Variants in KATNIP observed in about 807,000 individuals in gnomAD.
KATNIP encodes katanin-interacting protein.
KATNIP carries 126 observed loss-of-function variants against 174.0 expected under a neutral mutation model. That is an observed-to-expected ratio of 0.72 (90% CI 0.63 to 0.84). KATNIP has a LOEUF of 0.84. Among genes scored for constraint, KATNIP ranks in the 40% least tolerant of loss-of-function variants. The pLI is 0.00. For synonymous variants in KATNIP, 810 were observed against 835.7 expected, an observed-to-expected ratio of 0.97 and a Z score of 0.53; for missense variants, 1,958 against 2,109.7, an observed-to-expected ratio of 0.93 and a Z score of 1.41.
rs76804909 is a variant in KATNIP, at chr16:27,691,700, A to G, written c.941-6628A>G. Among the ~76,000 whole-genome samples the G allele has an allele frequency of 2.4e-3, 363 of 152,326 alleles. 1 individual carries two copies. The highest frequency in any genetic ancestry group is 8.4e-3 in the African/African-American group (348 of 41,572). ...TGCAGCATTGACCTTCACTTGGAGA[A>G]AGGGTGATTTAATTTTTAAAAGCAT... On this transcript the variant is annotated intron_variant, in intron 8 of 27. Transcript: ENST00000261588.
intron 15 of KATNIP, among the ~76,000 whole-genome samples, chr16:27,744,920 A>G (rs1323319840): frequency 1.3e-5 from 2 of 152,146 alleles, no homozygotes; most frequent in East Asian, 1.9e-4. Flanking sequence ...GTCTCAGAAA[A>G]TAAAATCATA....
chr16:27,766,185 TGACACAGCCA>T, intron 19 of KATNIP, 114 bp from the exon 20 acceptor site: 1 of 980,258 alleles, frequency 1.0e-6, no homozygotes, highest in Non-Finnish European at 1.5e-6. Context: ...TTAACAAGCC[TGACACAGCCA>T]GGCTAGTGCC....
intron 2 of KATNIP, among the ~76,000 whole-genome samples, chr16:27,577,851 C>A (rs1438858436): frequency 6.6e-6 from 1 of 151,882 alleles, no homozygotes; most frequent in Non-Finnish European, 1.5e-5. Flanking sequence ...CCAACCTGGA[C>A]AACAAAGCAA....
rs142178252 is a variant in KATNIP, at chr16:27,562,328, G to GATA, written c.8-11563_8-11561dup. Among the ~76,000 whole-genome samples, 401 of 152,168 alleles carry GATA rather than the reference G, an allele frequency of 2.6e-3. 2 individuals carry two copies. The highest frequency in any genetic ancestry group is 8.9e-3 in the African/African-American group (370 of 41,514). On this transcript the variant is annotated intron_variant, in intron 1 of 27. Coordinates refer to ENST00000261588, the MANE Select transcript of KATNIP (RefSeq NM_015202.5). ...CCTATCTCAAAAAAATAATAATGGT[G>GATA]ATAATAATAATAGGACCTTCCCATA...
chr16:27,655,218 ATATATATATATT>A (rs2077237634), intron 6 of KATNIP, among the ~76,000 whole-genome samples: 5 of 108,934 alleles, frequency 4.6e-5, no homozygotes, highest in African/African-American at 1.7e-4. Flanking sequence ...ATATATATAT[ATATATATATATT>A]TTGTTTGTTT....
At chr16:27,576,805 G>T (rs1446607979) in intron 2 of KATNIP, among the ~76,000 whole-genome samples, 1 of 152,154 alleles carries the variant, frequency 6.6e-6, no homozygotes, top group Non-Finnish European at 1.5e-5. Context: ...ATCAAACTAT[G>T]TCACCATGAA....
rs148503779 is a variant in KATNIP, at chr16:27,720,154, G to A, written c.1606-1404G>A. Among the ~76,000 whole-genome samples the A allele has an allele frequency of 5.2e-4, 79 of 152,112 alleles. No individual in the cohort carries two copies. In the East Asian group the frequency reaches 0.014, roughly 28 times the overall value. ...GACGGAGTTTGGAGTTCAATGGCAC[G>A]ATCTCAGCCCACTGCAACATCCACC... On this transcript the variant is annotated intron_variant, in intron 13 of 27. Coordinates refer to ENST00000261588, the MANE Select transcript of KATNIP (RefSeq NM_015202.5).
At chr16:27,562,794 T>A (rs1171973258) in intron 1 of KATNIP, among the ~76,000 whole-genome samples, 1 of 152,216 alleles carries the variant, frequency 6.6e-6, no homozygotes, top group Non-Finnish European at 1.5e-5. Context: ...CATTTACTTA[T>A]CTTTACTATT....
chr16:27,643,852 G>A (rs1339886987), intron 5 of KATNIP, among the ~76,000 whole-genome samples: 2 of 151,716 alleles, frequency 1.3e-5, no homozygotes, highest in Admixed American at 6.6e-5. Context: ...GGGGTGAAAG[G>A]TTCTAACCCC....
intron 13 of KATNIP, among the ~76,000 whole-genome samples, chr16:27,711,544 A>G (rs1280275833): frequency 6.6e-6 from 1 of 152,018 alleles, no homozygotes; most frequent in Non-Finnish European, 1.5e-5. Flanking sequence ...TGTCCTCGCA[A>G]CTCTCTGCTG....
Position 27,667,194 on chromosome 16 carries a change from A to G in KATNIP, c.541-10535A>G, listed in dbSNP as rs543470722. Among the ~76,000 whole-genome samples the G allele has an allele frequency of 1.8e-4, 27 of 152,096 alleles. No individual in the cohort carries two copies. In the South Asian group the frequency reaches 5.2e-3, roughly 29 times the overall value. ...AAATTAGCTGAGCATGATGGTGTAC[A>G]CCTGTAGTCCCAGCTAACCAAAAAG... On this transcript the variant is annotated intron_variant, in intron 6 of 27. Coordinates refer to ENST00000261588, the MANE Select transcript of KATNIP (RefSeq NM_015202.5).
chr16:27,711,670 T>C (rs1423733734), intron 13 of KATNIP, among the ~76,000 whole-genome samples: 1 of 152,154 alleles, frequency 6.6e-6, no homozygotes, highest in Non-Finnish European at 1.5e-5. Flanking sequence ...CTGAAGGTAT[T>C]CAAGATTGCT....
intron 5 of KATNIP, among the ~76,000 whole-genome samples, chr16:27,634,345 G>A (rs2076573779): frequency 6.6e-6 from 1 of 152,210 alleles, no homozygotes; most frequent in Non-Finnish European, 1.5e-5. Flanking sequence ...AACAAATGCA[G>A]TGCAGGGAGT....
intron 3 of KATNIP, among the ~76,000 whole-genome samples, chr16:27,622,400 T>C (rs77082821): frequency 0.022 from 3,334 of 152,272 alleles, 140 homozygotes; most frequent in African/African-American, 0.076. Flanking sequence ...CCCAGTGGAC[T>C]CTGAGTGATT....
At chr16:27,624,808 A>C (rs2076287255) in intron 3 of KATNIP, among the ~76,000 whole-genome samples, 1 of 152,076 alleles carries the variant, frequency 6.6e-6, no homozygotes, top group African/African-American at 2.4e-5. Flanking sequence ...CACCAGAGCA[A>C]GACCCGGGAA....
At chr16:27,709,045 A>G in intron 13 of KATNIP, 125 bp downstream of exon 13, 1 of 699,588 alleles carries the variant, frequency 1.4e-6, no homozygotes. Context: ...CTGGCCAGGT[A>G]CAGAGGCTCA....
chr16:27,687,026 G>GT (rs1207635141), intron 8 of KATNIP, among the ~76,000 whole-genome samples: 1 of 152,148 alleles, frequency 6.6e-6, no homozygotes, highest in Non-Finnish European at 1.5e-5. Flanking sequence ...ATAATCAGCA[G>GT]TAATTTGGAT....
At chr16:27,701,738 G>A (rs2079106843) in intron 11 of KATNIP, 43 bp downstream of exon 11, 2 of 1,310,416 alleles carry the variant, frequency 1.5e-6, no homozygotes, top group Middle Eastern at 1.8e-4. Context: ...CCTTAGCAGT[G>A]CAGCCATGGG....
intron 2 of KATNIP, among the ~76,000 whole-genome samples, chr16:27,575,543 A>G (rs548425624): frequency 6.6e-6 from 1 of 152,306 alleles, no homozygotes; most frequent in African/African-American, 2.4e-5. Flanking sequence ...AAGTGTCATC[A>G]TTCCTATAAT....
Sources: allele counts gnomAD v4.1 joint callset (sites outside exome capture counted in the v4.1 genomes callset), GRCh38; gene constraint gnomAD v4.1.1; transcripts MANE v1.5; gene names NCBI Gene and HGNC (gene_info 2026-07-23, HGNC 2026-07-21).